Variants in RGS6 observed in about 807,000 individuals in gnomAD.
RGS6 encodes the protein regulator of G protein signaling 6.
Under a neutral mutation model 78.5 loss-of-function variants are expected in RGS6, and 30 were observed. That is an observed-to-expected ratio of 0.38 (90% CI 0.29 to 0.52). RGS6 has a LOEUF of 0.52. Ranked by LOEUF, RGS6 falls within the 20% of genes least tolerant of loss-of-function variation. The pLI is 0.85. For synonymous variants in RGS6, 206 were observed against 206.0 expected, an observed-to-expected ratio of 1.00 and a Z score of 0.00; for missense variants, 495 against 609.7, an observed-to-expected ratio of 0.81 and a Z score of 1.98.
chr14:72,128,765 A>T (rs1464019459), intron 2 of RGS6, among the ~76,000 whole-genome samples: 1 of 152,174 alleles, frequency 6.6e-6, no homozygotes, highest in African/African-American at 2.4e-5. Context: ...GTTGGTAGGA[A>T]GTAGAAAACG....
the RGS6 span, among the ~76,000 whole-genome samples, chr14:71,888,023 G>A: frequency 5.9e-5 from 9 of 152,198 alleles, no homozygotes; most frequent in East Asian, 9.7e-4. Context: ...CGTCACCCCC[G>A]GCGGCCCAGC....
At chr14:72,207,640 A>G (rs1244390337) in intron 2 of RGS6, among the ~76,000 whole-genome samples, 1 of 152,012 alleles carries the variant, frequency 6.6e-6, no homozygotes, top group Non-Finnish European at 1.5e-5. Flanking sequence ...TCAACAGCTC[A>G]CCTCACCCAG....
intron 2 of RGS6, among the ~76,000 whole-genome samples, chr14:72,099,598 G>A (rs1379961987): frequency 6.6e-6 from 1 of 152,168 alleles, no homozygotes; most frequent in African/African-American, 2.4e-5. Flanking sequence ...TCTGTTTTGG[G>A]AGGACTTCAA....
intron 12 of RGS6, among the ~76,000 whole-genome samples, chr14:72,490,716 G>T (rs567642060): frequency 6.6e-6 from 1 of 152,150 alleles, no homozygotes; most frequent in Non-Finnish European, 1.5e-5. Context: ...TCTACCCCAG[G>T]GGTCATGATA....
At chr14:72,336,880 A>T (rs1252150435) in intron 2 of RGS6, among the ~76,000 whole-genome samples, 1 of 152,086 alleles carries the variant, frequency 6.6e-6, no homozygotes, top group Non-Finnish European at 1.5e-5. Context: ...TCTTCACAGT[A>T]TCTTCCCTCT....
intron 2 of RGS6, among the ~76,000 whole-genome samples, chr14:72,010,426 G>C (rs2085436889): frequency 6.6e-6 from 1 of 152,084 alleles, no homozygotes; most frequent in South Asian, 2.1e-4. Context: ...AAAACTCAAA[G>C]TATACACTGA....
chr14:72,166,792 C>T (rs756708540), intron 2 of RGS6, among the ~76,000 whole-genome samples: 7 of 152,178 alleles, frequency 4.6e-5, no homozygotes, highest in East Asian at 1.9e-4. Flanking sequence ...AATGATCAAT[C>T]GCCAGACTAC....
intron 2 of RGS6, among the ~76,000 whole-genome samples, chr14:72,192,599 T>A (rs2153721736): frequency 6.6e-6 from 1 of 152,324 alleles, no homozygotes; most frequent in South Asian, 2.1e-4. Flanking sequence ...CTTGCCAATT[T>A]CTAGACCTCC....
chr14:72,289,972 A>T (rs1389291146), intron 2 of RGS6, among the ~76,000 whole-genome samples: 1 of 152,230 alleles, frequency 6.6e-6, no homozygotes, highest in Non-Finnish European at 1.5e-5. Flanking sequence ...ATTAGAAAAA[A>T]TTAAGCATGA....
At chr14:71,895,555 G>A in the RGS6 span, among the ~76,000 whole-genome samples, 1 of 152,158 alleles carries the variant, frequency 6.6e-6, no homozygotes, top group Non-Finnish European at 1.5e-5. Flanking sequence ...CTGGTCAAAG[G>A]TTGTTAAGCA....
intron 16 of RGS6, among the ~76,000 whole-genome samples, chr14:72,538,776 C>T (rs1327988653): frequency 2.0e-5 from 3 of 152,196 alleles, no homozygotes; most frequent in African/African-American, 4.8e-5. Context: ...GGTGTTATGT[C>T]GTTTGTGTTG....
At chr14:72,278,941 G>A (rs1033214348) in intron 2 of RGS6, among the ~76,000 whole-genome samples, 7 of 152,040 alleles carry the variant, frequency 4.6e-5, no homozygotes, top group African/African-American at 1.4e-4. Context: ...GTGTGCTCAC[G>A]TGACCTCTTC....
chr14:72,181,849 TAG>T (rs2097177165), intron 2 of RGS6, among the ~76,000 whole-genome samples: 2 of 152,200 alleles, frequency 1.3e-5, no homozygotes, highest in African/African-American at 4.8e-5. Context: ...TAAAATTAAC[TAG>T]AGTTACCAAA....
intron 2 of RGS6, among the ~76,000 whole-genome samples, chr14:72,238,427 C>T (rs111406565): frequency 1.3e-5 from 2 of 152,180 alleles, no homozygotes; most frequent in Non-Finnish European, 2.9e-5. Flanking sequence ...CTGTCTGTAT[C>T]GCTATGTCAG....
chr14:72,243,672 C>T (rs990661188), intron 2 of RGS6, among the ~76,000 whole-genome samples: 1 of 152,126 alleles, frequency 6.6e-6, no homozygotes, highest in Non-Finnish European at 1.5e-5. Context: ...AAATGCACTG[C>T]TCTCAGTGAA....
intron 2 of RGS6, among the ~76,000 whole-genome samples, chr14:72,329,705 CTT>C (rs2074571527): frequency 6.6e-6 from 1 of 152,210 alleles, no homozygotes; most frequent in African/African-American, 2.4e-5. Context: ...TGGAAGCACT[CTT>C]TGCGTAGGGT....
At chr14:71,897,147 G>A in the RGS6 span, among the ~76,000 whole-genome samples, 2 of 152,238 alleles carry the variant, frequency 1.3e-5, no homozygotes, top group Admixed American at 6.5e-5. Context: ...GCCTAGCATA[G>A]TGCTAGGCAC....
intron 2 of RGS6, among the ~76,000 whole-genome samples, chr14:72,034,174 C>G (rs1435978397): frequency 1.3e-5 from 2 of 152,044 alleles, no homozygotes; most frequent in Admixed American, 1.3e-4. Context: ...TTATTTATTG[C>G]CTAATTGCTT....
intron 1 of RGS6, among the ~76,000 whole-genome samples, chr14:71,959,810 T>C (rs565906854): frequency 1.2e-4 from 18 of 152,314 alleles, no homozygotes; most frequent in African/African-American, 4.1e-4. Context: ...CATTCTGTGC[T>C]GGGGCATTTC....
Sources: allele counts gnomAD v4.1 joint callset (sites outside exome capture counted in the v4.1 genomes callset), GRCh38; gene constraint gnomAD v4.1.1; transcripts MANE v1.5; gene names NCBI Gene and HGNC (gene_info 2026-07-23, HGNC 2026-07-21).